Variants in ADCY3 observed in about 807,000 individuals in gnomAD.
The protein encoded by ADCY3 is adenylate cyclase 3, also known as adenylate cyclase type 3.
ADCY3 carries 70 observed loss-of-function variants against 119.4 expected under a neutral mutation model. The observed-to-expected ratio is 0.59, with a 90% CI of 0.48 to 0.72. The LOEUF is 0.72. ADCY3 is among the 30% of genes least tolerant of loss of function. ADCY3 has a pLI of 0.00. For missense variants in ADCY3, 1,238 were observed against 1,541.6 expected (o/e 0.80, Z 3.30); for synonymous variants, 672 against 621.4 (o/e 1.08, Z -1.21).
intron 2 of ADCY3, among the ~76,000 whole-genome samples, chr2:24,885,832 G>C (rs1676960532): frequency 6.6e-6 from 1 of 152,102 alleles, no homozygotes; most frequent in African/African-American, 2.4e-5. Context: ...GCTTTACCAT[G>C]AACTTGAATC....
Position 24,872,423 on chromosome 2 carries a change from G to T in ADCY3, c.825+147C>A. On this transcript the variant is annotated intron_variant, in intron 3 of 21. Transcript: ENST00000679454. This position sits in a 1 kb window ranked among gnomAD's most constrained non-coding sequence, Gnocchi z 4.4. Reference sequence around the variant, plus strand: ...CCCTCTAATAGTGAGGAGCCCAGAAGACAAAGTTCAGAAGCAAACACCTGA... The same window carrying T: ...CCCTCTAATAGTGAGGAGCCCAGAATACAAAGTTCAGAAGCAAACACCTGA... 2.0e-6 allele frequency: 2 copies of T among 1,005,410 alleles called. No individual in the cohort carries two copies. Among genetic ancestry groups the T allele is most frequent in the Non-Finnish European group, 2.9e-6 (2 of 685,428 alleles). The allele number at this position is 1,005,410 out of a possible 1,614,324, so 62.3% of individuals were successfully genotyped here.
At chr2:24,829,308 C>T (rs11125803) in intron 13 of ADCY3, among the ~76,000 whole-genome samples, 104,213 of 151,574 alleles carry the variant, frequency 0.69, 36,667 homozygotes, top group East Asian at 0.78. Context: ...TGAGCCACCG[C>T]GCCCGGCCCC....
At chr2:24,853,327 G>T (rs1017004239) in intron 3 of ADCY3, among the ~76,000 whole-genome samples, 3 of 152,218 alleles carry the variant, frequency 2.0e-5, no homozygotes, top group Admixed American at 6.5e-5. Context: ...TGCCGCAGGG[G>T]AAGGTGCAAC....
chr2:24,887,011 T>C (rs1677105646), intron 2 of ADCY3, among the ~76,000 whole-genome samples: 1 of 152,266 alleles, frequency 6.6e-6, no homozygotes, highest in Admixed American at 6.5e-5. Flanking sequence ...GCTTTCTTCC[T>C]GTATTAGTCC....
chr2:24,829,164 G>A (rs1445788507), intron 13 of ADCY3, among the ~76,000 whole-genome samples: 6 of 151,698 alleles, frequency 4.0e-5, no homozygotes, highest in Non-Finnish European at 7.4e-5. Flanking sequence ...TTACAGGCTC[G>A]TGCCATTGTG....
intron 2 of ADCY3, among the ~76,000 whole-genome samples, chr2:24,891,811 CTG>C (rs1677691624): frequency 6.6e-6 from 1 of 152,192 alleles, no homozygotes; most frequent in South Asian, 2.1e-4. Flanking sequence ...TGTGTACCAA[CTG>C]TTATAACTGT....
chr2:24,880,939 C>T (rs1185286010), intron 2 of ADCY3, among the ~76,000 whole-genome samples: 7 of 151,772 alleles, frequency 4.6e-5, no homozygotes, highest in Admixed American at 1.3e-4. Context: ...CGCTTGAACC[C>T]GGGAGGCGGA....
intron 2 of ADCY3, among the ~76,000 whole-genome samples, chr2:24,875,148 CCCTG>C (rs1421065713): frequency 8.9e-6 from 1 of 112,256 alleles, no homozygotes; most frequent in Non-Finnish European, 1.7e-5. Context: ...GGAACTCCCT[CCCTG>C]CCTGCCAGTG....
chr2:24,863,372 C>G (rs1463988053), intron 3 of ADCY3, among the ~76,000 whole-genome samples: 6 of 152,176 alleles, frequency 3.9e-5, no homozygotes, highest in Non-Finnish European at 8.8e-5. Context: ...ATGCATCCAG[C>G]TCTCCAACAG....
chr2:24,884,950 C>G (rs1215141776), intron 2 of ADCY3, among the ~76,000 whole-genome samples: 2 of 152,196 alleles, frequency 1.3e-5, no homozygotes, highest in South Asian at 2.1e-4. Flanking sequence ...TAATTCAGTT[C>G]CCTGGTTTTC....
At chr2:24,892,862 C>G (rs1677843437) in intron 2 of ADCY3, among the ~76,000 whole-genome samples, 1 of 151,936 alleles carries the variant, frequency 6.6e-6, no homozygotes, top group Admixed American at 6.6e-5. Flanking sequence ...TGGGGTTTTG[C>G]CATGTTGGCC....
intron 13 of ADCY3, among the ~76,000 whole-genome samples, chr2:24,829,663 C>T (rs1350809513): frequency 6.6e-6 from 1 of 151,954 alleles, no homozygotes; most frequent in Non-Finnish European, 1.5e-5. Flanking sequence ...ACCTCGTGAT[C>T]CGCCCGCCTT....
At chr2:24,840,105 G>C in intron 6 of ADCY3, 74 bp from the exon 7 acceptor site, 2 of 1,539,756 alleles carry the variant, frequency 1.3e-6, no homozygotes, top group East Asian at 4.6e-5. Flanking sequence ...GCTCCTGCAG[G>C]AGAAATTCAT....
At chr2:24,876,632 C>T (rs112086064) in intron 2 of ADCY3, among the ~76,000 whole-genome samples, 2,041 of 152,270 alleles carry the variant, frequency 0.013, 34 homozygotes, top group African/African-American at 0.041. Flanking sequence ...GGCGTGACAT[C>T]GTCCCTGTCC....
chr2:24,829,022 C>CTTTCT (rs568267373), intron 13 of ADCY3, among the ~76,000 whole-genome samples: 70,297 of 144,320 alleles, frequency 0.49, 17,800 homozygotes, highest in East Asian at 0.68. Flanking sequence ...TCTTTTTTTT[C>CTTTCT]TTTTTTTTTT....
At chr2:24,831,453 A>G (rs969001441) in intron 12 of ADCY3, among the ~76,000 whole-genome samples, 14 of 152,200 alleles carry the variant, frequency 9.2e-5, no homozygotes, top group Non-Finnish European at 1.9e-4. Flanking sequence ...GCCGTGGCCC[A>G]CCACAGCCTG....
In ADCY3 at chr2:24,918,919, G is replaced by C; in HGVS notation, c.69C>G (p.Ser23Arg). ...CCCCGCGGTCAGGGTCGGAGGGCAG[G>C]CTGACGGAGTACTCGGCTGAGTACT... ...SAEYSAEYSV[S>R]LPSDPDRGVG... The change falls in exon 2 of 22, where the codon AGC becomes AGG. Residue 23 changes from serine (S) to arginine (R), a missense_variant. By Grantham distance (110) the Ser-to-Arg change is moderately radical. Around this residue, in one of 7 missense-constraint regions of ADCY3, gnomAD observed 227 missense variants for 249.3 expected, o/e 0.91. Coordinates refer to ENST00000679454, the MANE Select transcript of ADCY3 (RefSeq NM_004036.5). This position sits in a 1 kb window ranked among gnomAD's most constrained non-coding sequence, Gnocchi z 5.4. The C allele has an allele frequency of 6.2e-7, 1 of 1,612,464 alleles. No homozygotes were observed. Among genetic ancestry groups the C allele is most frequent in the East Asian group, 2.2e-5 (1 of 44,874 alleles).
chr2:24,868,953 G>A (rs1297550693), intron 3 of ADCY3, among the ~76,000 whole-genome samples: 1 of 152,116 alleles, frequency 6.6e-6, no homozygotes, highest in Non-Finnish European at 1.5e-5. Context: ...GAACCCGGGA[G>A]GCAGAGCTTG....
At position 24,841,738 on chromosome 2, in the gene ADCY3, C is replaced by T; in HGVS notation, c.957-71G>A. 2 of 1,177,964 alleles carry T rather than the reference C, an allele frequency of 1.7e-6. No individual in the cohort carries two copies. The highest frequency in any genetic ancestry group is 1.3e-6 in the Non-Finnish European group (1 of 799,352). The allele number at this position is 1,177,964 out of a possible 1,614,324, so 73.0% of individuals were successfully genotyped here. A position where few individuals can be genotyped will look rare whatever the true frequency, so the allele number is the denominator to read the frequency against. On this transcript the variant is annotated intron_variant, in intron 4 of 21. Transcript: ENST00000679454. This position sits in a 1 kb window ranked among gnomAD's most constrained non-coding sequence, Gnocchi z 5.8. ...TGTACCCGACCCCACTGCCAGCTCC[C>T]TCTCCAACCCACAGGGCAGCCAGGA... is the stretch of plus-strand genomic sequence containing the variant.
Sources: allele counts gnomAD v4.1 joint callset (sites outside exome capture counted in the v4.1 genomes callset), GRCh38; gene constraint gnomAD v4.1.1; regional missense constraint gnomAD v4.1.1; non-coding constraint Gnocchi (gnomAD v3.1); transcripts MANE v1.5; gene names NCBI Gene and HGNC (gene_info 2026-07-23, HGNC 2026-07-21).